The following PCDHGB1 variants were observed in gnomAD, a reference collection of about 807,000 sequenced individuals.
PCDHGB1 encodes the protein protocadherin gamma-B1.
PCDHGB1 carries 34 observed loss-of-function variants against 56.6 expected under a neutral mutation model. The observed-to-expected ratio is 0.60, with a 90% CI of 0.46 to 0.80. The LOEUF (loss-of-function observed/expected upper bound fraction) is 0.80, where lower values mean the gene tolerates loss of function less well. PCDHGB1 is among the 30% of genes least tolerant of loss of function. PCDHGB1 has a pLI of 0.00. For synonymous variants in PCDHGB1, 561 were observed against 505.9 expected (o/e 1.11, Z -1.46); for missense variants, 1,278 against 1,204.6 (o/e 1.06, Z -0.90).
At chr5:141,365,363 CCCGAAG>C in intron 1 of PCDHGB1, 1 of 1,613,782 alleles carries the variant, frequency 6.2e-7, no homozygotes, top group African/African-American at 1.3e-5. Context: ...TGACAATGCC[CCCGAAG>C]TGATCCTCAC....
rs754537015 is a variant in PCDHGB1 at position 141,431,184 on chromosome 5, T to C, written c.2410-63623T>C. The C allele has an allele frequency of 2.5e-6, 4 of 1,614,090 alleles. No individual in the cohort carries two copies. In the South Asian group the frequency reaches 3.3e-5, roughly 13 times the overall value. ...CGTGAAAGTGAATTAGAAATAAAAATTAGTGAAAATGCAGCCACTGAGATG... is the reference window on the plus strand; with the variant it reads ...CGTGAAAGTGAATTAGAAATAAAAACTAGTGAAAATGCAGCCACTGAGATG... On this transcript the variant is annotated intron_variant, in intron 1 of 3. Coordinates refer to ENST00000523390, the MANE Select transcript of PCDHGB1 (RefSeq NM_018922.3). This position sits in a 1 kb window ranked among gnomAD's most constrained non-coding sequence, Gnocchi z 4.8.
At chr5:141,397,943 C>T in intron 1 of PCDHGB1, 1 of 892,874 alleles carries the variant, frequency 1.1e-6, no homozygotes, top group South Asian at 1.8e-5. Flanking sequence ...GCGCGCTTTC[C>T]AGGGCAGCCC....
chr5:141,456,275 G>A (rs1234663731), intron 1 of PCDHGB1, among the ~76,000 whole-genome samples: 1 of 152,142 alleles, frequency 6.6e-6, no homozygotes, highest in Non-Finnish European at 1.5e-5. Flanking sequence ...GCTACTTCCT[G>A]CTGAAAAGGG....
chr5:141,371,111 C>T (rs748436182), intron 1 of PCDHGB1: 1 of 1,613,898 alleles, frequency 6.2e-7, no homozygotes, highest in African/African-American at 1.3e-5. Flanking sequence ...ATGATAACCC[C>T]CCAGTATTTA....
intron 1 of PCDHGB1, chr5:141,428,308 G>A (rs2097132099): frequency 1.5e-6 from 1 of 685,734 alleles, no homozygotes; most frequent in Non-Finnish European, 2.6e-6. Context: ...TTACCTGGTC[G>A]TGGCCTTGGC....
chr5:141,352,993 C>G (rs913213055), intron 1 of PCDHGB1, among the ~76,000 whole-genome samples: 6 of 152,214 alleles, frequency 3.9e-5, no homozygotes, highest in African/African-American at 1.4e-4. Flanking sequence ...TCTAAAAAAA[C>G]AAACAAACAA....
chr5:141,402,829 T>G (rs921784924), intron 1 of PCDHGB1: 4 of 1,341,920 alleles, frequency 3.0e-6, no homozygotes, highest in Admixed American at 5.9e-5. Context: ...GCTCCCAGGC[T>G]GCAGCAAAAC....
At chr5:141,481,070 A>G (rs2099531062) in intron 1 of PCDHGB1, among the ~76,000 whole-genome samples, 1 of 152,144 alleles carries the variant, frequency 6.6e-6, no homozygotes, top group South Asian at 2.1e-4. Context: ...AAACAAAAAG[A>G]AAGAAAGAAA....
intron 1 of PCDHGB1, chr5:141,428,653 T>A (rs952656382): frequency 1.8e-5 from 3 of 167,524 alleles, no homozygotes; most frequent in Admixed American, 1.1e-4. Flanking sequence ...TCACGTGAGT[T>A]CCAATGAATG....
At chr5:141,373,722 C>T (rs1260568332) in intron 1 of PCDHGB1, among the ~76,000 whole-genome samples, 1 of 152,202 alleles carries the variant, frequency 6.6e-6, no homozygotes, top group Non-Finnish European at 1.5e-5. Flanking sequence ...CTCTTACACT[C>T]TTCTAAATGC....
At chr5:141,453,071 C>G (rs561248978) in intron 1 of PCDHGB1, among the ~76,000 whole-genome samples, 13 of 152,150 alleles carry the variant, frequency 8.5e-5, no homozygotes, top group South Asian at 2.1e-4. Flanking sequence ...TTTTGCCACA[C>G]TCTGGTTGAT....
intron 1 of PCDHGB1, chr5:141,355,415 C>G (rs753835027): frequency 6.2e-7 from 1 of 1,614,096 alleles, no homozygotes; most frequent in South Asian, 1.1e-5. Context: ...AGAGGTAGGA[C>G]GCAGCTTTTC....
At chr5:141,443,166 C>G (rs914863821) in intron 1 of PCDHGB1, among the ~76,000 whole-genome samples, 1 of 152,124 alleles carries the variant, frequency 6.6e-6, no homozygotes, top group African/African-American at 2.4e-5. Flanking sequence ...ATTTCCCTAC[C>G]CATGTCCACT....
intron 1 of PCDHGB1, chr5:141,404,757 C>T (rs759444247): frequency 3.1e-6 from 5 of 1,613,918 alleles, no homozygotes; most frequent in Non-Finnish European, 4.2e-6. Flanking sequence ...GGCCAGAATG[C>T]TTGGCTCTCC....
intron 1 of PCDHGB1, among the ~76,000 whole-genome samples, chr5:141,443,008 T>C (rs2098358096): frequency 1.3e-5 from 2 of 152,220 alleles, no homozygotes; most frequent in Admixed American, 1.3e-4. Context: ...TCTAAGAATA[T>C]GACTAATGGA....
rs753724895 is a variant in PCDHGB1, at chr5:141,366,167, G to A, written c.2409+13498G>A. 7 of 1,614,080 alleles carry A rather than the reference G, an allele frequency of 4.3e-6. No homozygotes were observed. In the Admixed American group the frequency reaches 6.7e-5, roughly 15 times the overall value. On this transcript the variant is annotated intron_variant, in intron 1 of 3. Transcript: ENST00000523390. ...GTCCTACCGCCTGCTTAAGGCCAGC[G>A]AGCCAGGACTCTTTGCGGTTGGGCT...
At position 141,398,135 on chromosome 5, in the gene PCDHGB1, G is replaced by A. The variant is rs771670845; in HGVS notation, c.2409+45466G>A. ...CTGAGGAGAGCAAGAGGGATGGGGAGCGGCGCCGGGGAGCTGGGCCGGGCT... is the reference window on the plus strand; with the variant it reads ...CTGAGGAGAGCAAGAGGGATGGGGAACGGCGCCGGGGAGCTGGGCCGGGCT... On this transcript the variant is annotated intron_variant, in intron 1 of 3. Transcript: ENST00000523390. 4 of 1,556,792 alleles carry A rather than the reference G, an allele frequency of 2.6e-6. No individual in the cohort carries two copies. Among genetic ancestry groups the A allele is most frequent in the Non-Finnish European group, 3.5e-6 (4 of 1,157,318 alleles).
intron 1 of PCDHGB1, chr5:141,441,387 G>A (rs2098243952): frequency 6.5e-6 from 1 of 153,712 alleles, no homozygotes; most frequent in Non-Finnish European, 1.5e-5. Flanking sequence ...CAGACCCAAG[G>A]TATAACATCA....
At chr5:141,414,223 G>C in intron 1 of PCDHGB1, 1 of 1,613,426 alleles carries the variant, frequency 6.2e-7, no homozygotes, top group Non-Finnish European at 8.5e-7. Flanking sequence ...CAACAGTCCA[G>C]AGCTGACCAT....
Sources: gnomAD v4.1 joint callset for allele counts (sites outside exome capture counted in the v4.1 genomes callset) on GRCh38, gnomAD v4.1.1 for gene constraint, Gnocchi (gnomAD v3.1) non-coding constraint, MANE v1.5 for transcripts, NCBI Gene and HGNC (gene_info 2026-07-23, HGNC 2026-07-21) for gene names.